DNAJC10: variants seen among roughly 807,000 people sequenced by gnomAD.
The protein encoded by DNAJC10 is endoplasmic reticulum disulfide reductase DNAJC10.
Under a neutral mutation model 115.0 loss-of-function variants are expected in DNAJC10, and 101 were observed. That is an observed-to-expected ratio of 0.88 (90% CI 0.75 to 1.04). DNAJC10 has a LOEUF of 1.04. Among genes scored for constraint, DNAJC10 ranks in the 50% least tolerant of loss-of-function variants. DNAJC10 has a pLI of 0.00. For missense variants in DNAJC10, 981 were observed against 928.8 expected (o/e 1.06, Z -0.73); for synonymous variants, 307 against 301.5 (o/e 1.02, Z -0.19).
In DNAJC10 at chr2:182,783,448, T is replaced by C. The variant is rs1694891285; in HGVS notation, c.*6316T>C. 1 of 152,158 alleles carries C rather than the reference T, an allele frequency of 6.6e-6. No homozygotes were observed. Among genetic ancestry groups the C allele is most frequent in the African/African-American group, 2.4e-5 (1 of 41,426 alleles). The allele number at this position is 152,158 out of a possible 1,614,324, so 9.4% of individuals were successfully genotyped here. A position where few individuals can be genotyped will look rare whatever the true frequency, so the allele number is the denominator to read the frequency against. On this transcript the variant is annotated 3_prime_UTR_variant, in exon 24 of 24. Transcript: ENST00000264065. Reference sequence around the variant, plus strand: ...TACATATACACACACAAAAAAAATATTTCAGCAGCCACTGCCAACTGAAAG... The same window carrying C: ...TACATATACACACACAAAAAAAATACTTCAGCAGCCACTGCCAACTGAAAG...
At chr2:182,756,266 C>A in intron 17 of DNAJC10, 48 bp from the exon 18 acceptor site, 1 of 1,441,682 alleles carries the variant, frequency 6.9e-7, no homozygotes, top group Non-Finnish European at 9.3e-7. Context: ...AATATATGAA[C>A]AGCTATGCTT....
chr2:182,757,674 C>A lies in DNAJC10; in HGVS notation c.1810-18C>A. Reference sequence around the variant, plus strand: ...ATATGTAAAAAGTTATGGAGGTAATCTGTTTTTTCTTTTACAGACATTAAC... The same window carrying A: ...ATATGTAAAAAGTTATGGAGGTAATATGTTTTTTCTTTTACAGACATTAAC... On this transcript the variant is annotated intron_variant, in intron 18 of 23. Transcript: ENST00000264065. 1 of 1,484,482 alleles carries A rather than the reference C, an allele frequency of 6.7e-7. No homozygotes were observed. The highest frequency in any genetic ancestry group is 2.4e-5 in the East Asian group (1 of 41,714). The allele number at this position is 1,484,482 out of a possible 1,614,324, so 92.0% of individuals were successfully genotyped here.
At position 182,728,598 on chromosome 2, in the gene DNAJC10, A is replaced by T. The variant is rs1288327079; in HGVS notation, c.441A>T (p.Glu147Asp). 1 of 1,612,062 alleles carries T rather than the reference A, an allele frequency of 6.2e-7. No homozygotes were observed. The highest frequency in any genetic ancestry group is 8.5e-7 in the Non-Finnish European group (1 of 1,178,774). Reference sequence around the variant, plus strand: ...TAGATGCTGCTGTTAATTCTGGAGAACTGTGGTTTGTAAATTTTTACTCCC... The same window carrying T: ...TAGATGCTGCTGTTAATTCTGGAGATCTGTGGTTTGTAAATTTTTACTCCC... Reference protein sequence around the residue: ...REFDAAVNSGELWFVNFYSPG... With the variant: ...REFDAAVNSGDLWFVNFYSPG... Residue 147 changes from glutamate (E) to aspartate (D), a missense_variant, in exon 6 of 24, where the codon GAA becomes GAT. By Grantham distance (45) the Glu-to-Asp change is conservative (BLOSUM62 2). Coordinates refer to ENST00000264065, the MANE Select transcript of DNAJC10 (RefSeq NM_018981.4).
chr2:182,761,152 A>C (rs190307487), intron 21 of DNAJC10, among the ~76,000 whole-genome samples: 4 of 152,276 alleles, frequency 2.6e-5, no homozygotes, highest in Admixed American at 2.0e-4. Flanking sequence ...TCTAGTGGAA[A>C]GAGAAAATGG....
At position 182,764,123 on chromosome 2, in the gene DNAJC10, T is replaced by C. The variant is rs148465745; in HGVS notation, c.2265+1322T>C. On this transcript the variant is annotated intron_variant, in intron 22 of 23. Transcript: ENST00000264065. The stretch of plus-strand genomic sequence containing the variant: ...CTCCCAAGCATATTGGGAGCTATTA[T>C]ATGGCAGAGGTGTGACACAGAATTA... Among the ~76,000 whole-genome samples, 1,068 of 152,292 alleles carry C rather than the reference T, an allele frequency of 7.0e-3. 10 individuals are homozygous for C. The highest frequency in any genetic ancestry group is 0.024 in the African/African-American group (981 of 41,562).
Position 182,756,299 on chromosome 2 carries a change from C to T in DNAJC10, c.1654-15C>T. The stretch of plus-strand genomic sequence containing the variant: ...CTTTATATATATGTTATAATGGAAG[C>T]TATATTCTCTTCAGGATCTTATGAA... On this transcript the variant is annotated splice_polypyrimidine_tract_variant and intron_variant, in intron 17 of 23. Coordinates refer to ENST00000264065, the MANE Select transcript of DNAJC10 (RefSeq NM_018981.4). 6.2e-7 allele frequency: 1 copy of T among 1,602,486 alleles called. No homozygotes were observed. Among genetic ancestry groups the T allele is most frequent in the South Asian group, 1.1e-5 (1 of 89,026 alleles).
rs376885680 is a variant in DNAJC10 at position 182,728,977 on chromosome 2, A to G, written c.616A>G (p.Ile206Val). 1.2e-4 allele frequency: 198 copies of G among 1,613,974 alleles called. 3 individuals carry two copies. In the Middle Eastern group the frequency reaches 0.01, roughly 82 times the overall value. Residue 206 changes from isoleucine (I) to valine (V), a missense_variant, in exon 7 of 24, where the codon ATT (isoleucine) becomes GTT (valine). Coordinates refer to ENST00000264065, the MANE Select transcript of DNAJC10 (RefSeq NM_018981.4). Reference sequence around the variant, plus strand: ...AGTCAACAGCTATCCCAGCCTCTTCATTTTTCGGTCTGGAATGGTAAGGGA... The same window carrying G: ...AGTCAACAGCTATCCCAGCCTCTTCGTTTTTCGGTCTGGAATGGTAAGGGA... ...KGVNSYPSLFIFRSGMAPVKY... is the reference protein window; with the variant it reads ...KGVNSYPSLFVFRSGMAPVKY...
intron 14 of DNAJC10, among the ~76,000 whole-genome samples, chr2:182,748,615 C>G (rs1011806890): frequency 2.0e-5 from 3 of 151,632 alleles, no homozygotes; most frequent in Non-Finnish European, 4.4e-5. Context: ...TTTGATTCTT[C>G]TCTCTTTTTT....
chr2:182,764,635 T>C (rs1390803668), intron 22 of DNAJC10, among the ~76,000 whole-genome samples: 1 of 152,090 alleles, frequency 6.6e-6, no homozygotes, highest in African/African-American at 2.4e-5. Context: ...TTGATTCTGC[T>C]CTATGTTAGG....
rs373700046 is a variant in DNAJC10, at chr2:182,788,617, C to G, written c.*11485C>G. ...ATGTTAGCAATTGGTTGTAGCAATA[C>G]GTCCGTCTGTAAGTGATGGTCATAT... On this transcript the variant is annotated 3_prime_UTR_variant, in exon 24 of 24. Coordinates refer to ENST00000264065, the MANE Select transcript of DNAJC10 (RefSeq NM_018981.4). 3 of 270,894 alleles carry G rather than the reference C, an allele frequency of 1.1e-5. No individual in the cohort carries two copies. Among genetic ancestry groups the G allele is most frequent in the Non-Finnish European group, 2.2e-5 (3 of 137,068 alleles). The allele number at this position is 270,894 out of a possible 1,614,324, so 16.8% of individuals were successfully genotyped here. A position where few individuals can be genotyped will look rare whatever the true frequency, so the allele number is the denominator to read the frequency against.
intron 14 of DNAJC10, among the ~76,000 whole-genome samples, chr2:182,751,359 C>T (rs1369570617): frequency 6.6e-6 from 1 of 151,840 alleles, no homozygotes; most frequent in Non-Finnish European, 1.5e-5. Flanking sequence ...TGGTCTCGAT[C>T]TCTTGACCTC....
rs1694933659 is a variant in DNAJC10 at position 182,785,692 on chromosome 2, G to C, written c.*8560G>C. 6.6e-6 allele frequency: 1 copy of C among 152,050 alleles called. No homozygotes were observed. Among genetic ancestry groups the C allele is most frequent in the Non-Finnish European group, 1.5e-5 (1 of 68,000 alleles). The allele number at this position is 152,050 out of a possible 1,614,324, so 9.4% of individuals were successfully genotyped here. On this transcript the variant is annotated 3_prime_UTR_variant, in exon 24 of 24. Transcript: ENST00000264065. ...TAGCTTAAAAGGAAAAAGAAAAAGA[G>C]GCTTTTCAGTCATGAGCCAAATGCA...
At position 182,736,595 on chromosome 2, in the gene DNAJC10, G is replaced by A. The variant is rs1366460120; in HGVS notation, c.987+209G>A. Among the ~76,000 whole-genome samples the A allele has an allele frequency of 4.6e-5, 7 of 152,010 alleles. No individual in the cohort carries two copies. The East Asian group carries it at 7.7e-4, about 17-fold the overall frequency. Reference sequence around the variant, plus strand: ...ATTTAAGGATTATTTTTAAACTGACGATTACATTTCATTTAAAGTCATTAC... The same window carrying A: ...ATTTAAGGATTATTTTTAAACTGACAATTACATTTCATTTAAAGTCATTAC... On this transcript the variant is annotated intron_variant, in intron 11 of 23. Transcript: ENST00000264065.
chr2:182,764,542 G>A (rs558859509), intron 22 of DNAJC10, among the ~76,000 whole-genome samples: 2 of 152,188 alleles, frequency 1.3e-5, no homozygotes, highest in South Asian at 2.1e-4. Flanking sequence ...CATGACACAG[G>A]TTATATTTAA....
chr2:182,732,837 T>A (rs1693486001), intron 10 of DNAJC10: 1 of 396,676 alleles, frequency 2.5e-6, no homozygotes, highest in Admixed American at 4.6e-5. Flanking sequence ...CCCAACTTTA[T>A]CTTTTGTTGT....
chr2:182,745,048 T>G (rs1430305635), intron 14 of DNAJC10, among the ~76,000 whole-genome samples: 2 of 152,196 alleles, frequency 1.3e-5, no homozygotes, highest in Non-Finnish European at 2.9e-5. Flanking sequence ...TTCCTTGTTG[T>G]GTTTGCAGTT....
At chr2:182,754,959 G>A (rs1694118872) in intron 16 of DNAJC10, 44 bp from the exon 17 acceptor site, 1 of 1,408,486 alleles carries the variant, frequency 7.1e-7, no homozygotes, top group African/African-American at 1.4e-5. Context: ...TAACAAATAG[G>A]TGAAATCTAT....
At position 182,718,115 on chromosome 2, in the gene DNAJC10, A is replaced by G. The variant is rs771577434; in HGVS notation, c.29A>G (p.Tyr10Cys). MGVWLNKDDYIRDLKRIILC... is the reference protein window; with the variant it reads MGVWLNKDDCIRDLKRIILC... ...GGAGTCTGGTTAAATAAAGATGACT[A>G]TATCAGAGACTTGAAAAGGATCATT... The change falls in exon 3 of 24, where the codon TAT (tyrosine) becomes TGT (cysteine). Residue 10 changes from tyrosine to cysteine, a missense_variant. Tyr to Cys is a radical substitution (Grantham distance 194). Transcript: ENST00000264065. The G allele has an allele frequency of 4.0e-5, 65 of 1,611,390 alleles. No individual in the cohort carries two copies. The highest frequency in any genetic ancestry group is 1.8e-4 in the Middle Eastern group (1 of 5,628).
chr2:182,759,039 C>G (rs751633330), intron 20 of DNAJC10, 121 bp from the exon 21 acceptor site: 13 of 1,044,028 alleles, frequency 1.2e-5, no homozygotes, highest in Non-Finnish European at 1.8e-5. Flanking sequence ...TAGTACTGTA[C>G]TTTATTACAT....
Sources: allele counts gnomAD v4.1 joint callset (sites outside exome capture counted in the v4.1 genomes callset), GRCh38; gene constraint gnomAD v4.1.1; transcripts MANE v1.5; gene names NCBI Gene and HGNC (gene_info 2026-07-23, HGNC 2026-07-21).